DDX46: variants seen among roughly 807,000 people sequenced by gnomAD.
The protein encoded by DDX46 is probable ATP-dependent RNA helicase DDX46.
DDX46 carries 30 observed loss-of-function variants against 134.9 expected under a neutral mutation model. The ratio of observed to expected loss-of-function variants is 0.22; its 90% CI spans 0.17 to 0.30. The LOEUF (loss-of-function observed/expected upper bound fraction) is 0.30. DDX46 is among the 10% of genes least tolerant of loss of function. The probability of loss-of-function intolerance (pLI) is 1.00; values close to 1 mark genes in which losing one functional copy is unlikely to be tolerated. For synonymous variants in DDX46, 415 were observed against 404.1 expected, an observed-to-expected ratio of 1.03 and a Z score of -0.32; for missense variants, 622 against 1,248.7, an observed-to-expected ratio of 0.50 and a Z score of 7.56.
At chr5:134,828,612 T>C in intron 22 of DDX46, 47 bp from the exon 23 acceptor site, 1 of 1,349,732 alleles carries the variant, frequency 7.4e-7, no homozygotes, top group Non-Finnish European at 9.8e-7. Flanking sequence ...TTTTTGTTTT[T>C]TTTGTTTTGC....
At chr5:134,764,303 G>A (rs1335444043) in intron 2 of DDX46, among the ~76,000 whole-genome samples, 1 of 148,452 alleles carries the variant, frequency 6.7e-6, no homozygotes, top group African/African-American at 2.5e-5. Context: ...TCTTTTTTGA[G>A]ACAGAGCCTC....
Position 134,783,057 on chromosome 5 carries a change from C to T in DDX46, c.1158C>T (p.Ser386=). 6.2e-7 allele frequency: 1 copy of T among 1,612,910 alleles called. No homozygotes were observed. The highest frequency in any genetic ancestry group is 8.5e-7 in the Non-Finnish European group (1 of 1,179,352). Residue 386 remains serine (S), a synonymous_variant, in exon 9 of 23, where the codon TCC becomes TCT. Transcript: ENST00000452510. The part of the protein sequence containing the change: ...QCGISMKILN[S]LKKHGYEKPT... Reference sequence around the variant, plus strand: ...GAATTTCCATGAAGATCTTAAATTCCCTCAAGAAGTAAGTGGTTGGTGGTT... The same window carrying T: ...GAATTTCCATGAAGATCTTAAATTCTCTCAAGAAGTAAGTGGTTGGTGGTT...
chr5:134,785,314 A>T, intron 10 of DDX46, 151 bp from the exon 11 acceptor site: 1 of 888,526 alleles, frequency 1.1e-6, no homozygotes, highest in Non-Finnish European at 1.5e-6. Context: ...CTCTGCTGTT[A>T]TACAACTTTT....
At position 134,811,853 on chromosome 5, in the gene DDX46, C is replaced by T. The variant is rs1400466059; in HGVS notation, c.2436+8C>T. ...GAGGATGCTGCAGTTGATGTAAGTA[C>T]TATTATTCTCTCATTCTTAATTGAA... On this transcript the variant is annotated splice_region_variant and intron_variant, in intron 18 of 22. Transcript: ENST00000452510. 5 of 1,602,460 alleles carry T rather than the reference C, an allele frequency of 3.1e-6. No homozygotes were observed. Among genetic ancestry groups the T allele is most frequent in the Non-Finnish European group, 4.2e-6 (5 of 1,176,994 alleles).
At chr5:134,825,408 T>C (rs959077493) in intron 21 of DDX46, among the ~76,000 whole-genome samples, 1 of 152,154 alleles carries the variant, frequency 6.6e-6, no homozygotes, top group African/African-American at 2.4e-5. Flanking sequence ...GCCATACCCT[T>C]GGCCTTTTCC....
At chr5:134,779,279 T>C (rs982389152) in intron 6 of DDX46, among the ~76,000 whole-genome samples, 1 of 151,816 alleles carries the variant, frequency 6.6e-6, no homozygotes, top group Non-Finnish European at 1.5e-5. Context: ...CTGCACCCTG[T>C]GCCTCCCAGG....
At position 134,813,088 on chromosome 5, in the gene DDX46, C is replaced by T. The variant is rs1314586712; in HGVS notation, c.2436+1243C>T. On this transcript the variant is annotated intron_variant, in intron 18 of 22. Transcript: ENST00000452510. ...TCCCAAGTAACTGGAACGACAGGCACGCGCCACCATGCTTGGCTAATTTTT... is the reference window on the plus strand; with the variant it reads ...TCCCAAGTAACTGGAACGACAGGCATGCGCCACCATGCTTGGCTAATTTTT... Among the ~76,000 whole-genome samples the T allele has an allele frequency of 3.3e-5, 5 of 152,116 alleles. 1 individual carries two copies. Among genetic ancestry groups the T allele is most frequent in the East Asian group, 1.9e-4 (1 of 5,160 alleles).
chr5:134,776,785 C>T (rs254710), intron 5 of DDX46, among the ~76,000 whole-genome samples: 24,737 of 151,576 alleles, frequency 0.16, 2,186 homozygotes, highest in East Asian at 0.32. Flanking sequence ...TGGTGGCGCA[C>T]GCCTGTAATC....
chr5:134,816,729 C>T, intron 19 of DDX46, 123 bp downstream of exon 19: 1 of 966,434 alleles, frequency 1.0e-6, no homozygotes, highest in Non-Finnish European at 1.5e-6. Context: ...GAGAATTTAA[C>T]ATTCTCAATA....
At chr5:134,808,026 T>G (rs1274141146) in intron 16 of DDX46, 85 bp downstream of exon 16, 1 of 1,236,678 alleles carries the variant, frequency 8.1e-7, no homozygotes, top group Non-Finnish European at 1.1e-6. Context: ...ATAATAGGAG[T>G]TATGGAGACA....
chr5:134,817,811 C>A, intron 20 of DDX46, 97 bp downstream of exon 20: 1 of 975,016 alleles, frequency 1.0e-6, no homozygotes. Context: ...TTTAATAGCT[C>A]CTTCACTCTT....
chr5:134,793,937 A>G (rs1754578736), intron 13 of DDX46, among the ~76,000 whole-genome samples: 1 of 152,056 alleles, frequency 6.6e-6, no homozygotes, highest in Non-Finnish European at 1.5e-5. Flanking sequence ...CTGGATATTC[A>G]TTTGTTTTTT....
chr5:134,828,494 G>A (rs1435114356), intron 22 of DDX46, among the ~76,000 whole-genome samples, 165 bp from the exon 23 acceptor site: 3 of 151,896 alleles, frequency 2.0e-5, no homozygotes, highest in Non-Finnish European at 2.9e-5. Context: ...TGCAGTAATA[G>A]TAACATTTAA....
chr5:134,796,214 T>C, intron 15 of DDX46, 64 bp downstream of exon 15: 1 of 1,531,930 alleles, frequency 6.5e-7, no homozygotes, highest in Non-Finnish European at 8.9e-7. Context: ...TTGTGCTGTG[T>C]TCTCGATGAT....
chr5:134,816,132 T>G (rs1294266991), intron 18 of DDX46, among the ~76,000 whole-genome samples: 1 of 152,226 alleles, frequency 6.6e-6, no homozygotes, highest in Non-Finnish European at 1.5e-5. Context: ...TCCTCATTTA[T>G]TGAACAGGGA....
intron 4 of DDX46, 78 bp from the exon 5 acceptor site, chr5:134,773,596 ACTTTGAAGAACTTACTGGAATG>A (rs1753842003): frequency 9.6e-6 from 13 of 1,354,064 alleles, no homozygotes; most frequent in Non-Finnish European, 1.3e-5. Context: ...CCTTCTTTAT[ACTTTGAAGAACTTACTGGAATG>A]TCACTTGGAG....
At chr5:134,776,427 T>C (rs1753939489) in intron 5 of DDX46, among the ~76,000 whole-genome samples, 1 of 151,708 alleles carries the variant, frequency 6.6e-6, no homozygotes, top group South Asian at 2.1e-4. Flanking sequence ...AGCAAAAATA[T>C]ACTTACTGTC....
chr5:134,817,194 C>T (rs368052892), intron 19 of DDX46: 16 of 287,146 alleles, frequency 5.6e-5, no homozygotes, highest in Middle Eastern at 1.0e-3. Context: ...AAATGATTTT[C>T]GAAATATTTA....
intron 6 of DDX46, among the ~76,000 whole-genome samples, chr5:134,778,668 A>C (rs1307253526): frequency 6.6e-6 from 1 of 151,496 alleles, no homozygotes; most frequent in Non-Finnish European, 1.5e-5. Flanking sequence ...CTGCCTCCCA[A>C]GTTCAAGCGA....
Sources: gnomAD v4.1 joint callset for allele counts (sites outside exome capture counted in the v4.1 genomes callset) on GRCh38, gnomAD v4.1.1 for gene constraint, MANE v1.5 for transcripts, NCBI Gene and HGNC (gene_info 2026-07-23, HGNC 2026-07-21) for gene names.